AFF3: variants seen among roughly 807,000 people sequenced by gnomAD.
AFF3 encodes the protein AF4/FMR2 family member 3.
Under a neutral mutation model 129.7 loss-of-function variants are expected in AFF3, and 32 were observed. That is an observed-to-expected ratio of 0.25 (90% CI 0.19 to 0.33). AFF3 has a LOEUF of 0.33. AFF3 is among the 10% of genes least tolerant of loss of function. The pLI, the probability that AFF3 is intolerant of heterozygous loss-of-function variation, is 1.00. For missense variants in AFF3, 1,373 were observed against 1,592.0 expected, an observed-to-expected ratio of 0.86 and a Z score of 2.34; for synonymous variants, 644 against 635.4, an observed-to-expected ratio of 1.01 and a Z score of -0.20.
intron 7 of AFF3, among the ~76,000 whole-genome samples, chr2:99,892,951 T>C (rs977355847): frequency 6.6e-6 from 1 of 152,042 alleles, no homozygotes; most frequent in Non-Finnish European, 1.5e-5. Flanking sequence ...TAGAACAGCA[T>C]AGAGGGAAGG....
intron 4 of AFF3, among the ~76,000 whole-genome samples, chr2:100,069,926 T>C (rs1206460079): frequency 6.6e-6 from 1 of 152,188 alleles, no homozygotes; most frequent in Non-Finnish European, 1.5e-5. Flanking sequence ...AAAGATCCCA[T>C]GTCTCTTCTC....
At chr2:99,906,463 G>T (rs1348060652) in intron 7 of AFF3, among the ~76,000 whole-genome samples, 2 of 152,106 alleles carry the variant, frequency 1.3e-5, no homozygotes, top group East Asian at 3.9e-4. Flanking sequence ...AATGAGGCAA[G>T]ACCTCAGTCC....
At position 99,551,281 on chromosome 2, in the gene AFF3, A is replaced by G. The variant is rs1674386811; in HGVS notation, c.*193T>C. On this transcript the variant is annotated 3_prime_UTR_variant, in exon 25 of 25. Transcript: ENST00000672756. The stretch of plus-strand genomic sequence containing the variant: ...TTCTGAAGAGCTGTGTATCTTACAC[A>G]CATACACAGGCGGCTTCTTATATAC... 1.4e-6 allele frequency: 1 copy of G among 701,246 alleles called. No individual in the cohort carries two copies. The highest frequency in any genetic ancestry group is 2.9e-5 in the Admixed American group (1 of 34,454). The allele number at this position is 701,246 out of a possible 1,614,324, so 43.4% of individuals were successfully genotyped here. A position where few individuals can be genotyped will look rare whatever the true frequency, so the allele number is the denominator to read the frequency against.
chr2:99,775,327 T>C (rs1039262732), intron 8 of AFF3, among the ~76,000 whole-genome samples: 13 of 152,166 alleles, frequency 8.5e-5, no homozygotes, highest in Admixed American at 3.3e-4. Context: ...AATGATAGAC[T>C]GAATAAAGAA....
chr2:100,077,244 C>T (rs1377263276), intron 4 of AFF3, among the ~76,000 whole-genome samples: 1 of 152,012 alleles, frequency 6.6e-6, no homozygotes, highest in Non-Finnish European at 1.5e-5. Context: ...GAGACTGTCT[C>T]AAACGAAAAT....
intron 8 of AFF3, among the ~76,000 whole-genome samples, chr2:99,802,981 C>T (rs60355271): frequency 0.018 from 2,696 of 152,208 alleles, 84 homozygotes; most frequent in African/African-American, 0.062. Context: ...CCAGCTACGA[C>T]TTCCAGTGCT....
At chr2:99,555,681 T>C (rs1299438580) in intron 22 of AFF3, among the ~76,000 whole-genome samples, 1 of 152,206 alleles carries the variant, frequency 6.6e-6, no homozygotes, top group African/African-American at 2.4e-5. Flanking sequence ...TGATGGGAGT[T>C]TTCCCCTTCC....
intron 7 of AFF3, among the ~76,000 whole-genome samples, chr2:99,841,702 G>A (rs963022346): frequency 6.6e-6 from 1 of 152,284 alleles, no homozygotes; most frequent in East Asian, 1.9e-4. Flanking sequence ...CCAAGTCAAT[G>A]ACTTTAACAG....
chr2:99,895,700 G>C (rs1693884252), intron 7 of AFF3, among the ~76,000 whole-genome samples: 1 of 152,096 alleles, frequency 6.6e-6, no homozygotes, highest in Non-Finnish European at 1.5e-5. Context: ...CTCGGTGGGA[G>C]TGATTTAAAG....
intron 8 of AFF3, among the ~76,000 whole-genome samples, chr2:99,821,922 A>G (rs1687718406): frequency 6.6e-6 from 1 of 152,216 alleles, no homozygotes; most frequent in Non-Finnish European, 1.5e-5. Context: ...AAAGGCAGCC[A>G]GGGCACAACC....
chr2:99,598,108 T>C (rs1679465474), intron 14 of AFF3, among the ~76,000 whole-genome samples: 1 of 152,160 alleles, frequency 6.6e-6, no homozygotes. Context: ...ATCTGGGAAA[T>C]GCCACAATGG....
chr2:99,749,409 C>A (rs1392272677), intron 9 of AFF3, among the ~76,000 whole-genome samples: 1 of 152,130 alleles, frequency 6.6e-6, no homozygotes, highest in Non-Finnish European at 1.5e-5. Flanking sequence ...CAAACTGGTA[C>A]AATATTTTTG....
At chr2:99,925,589 A>G (rs541487551) in intron 7 of AFF3, among the ~76,000 whole-genome samples, 1 of 152,230 alleles carries the variant, frequency 6.6e-6, no homozygotes. Flanking sequence ...ATGAAAGAAC[A>G]ACTCAAAAGT....
At chr2:100,105,449 C>T (rs1691214459) in intron 3 of AFF3, 55 bp downstream of exon 3, 1 of 1,321,926 alleles carries the variant, frequency 7.6e-7, no homozygotes, top group Non-Finnish European at 1.0e-6. Flanking sequence ...GTGGTCCCAC[C>T]CACCCTCTAG....
chr2:99,805,733 T>C (rs1201383790), intron 8 of AFF3, among the ~76,000 whole-genome samples: 1 of 152,160 alleles, frequency 6.6e-6, no homozygotes, highest in Admixed American at 6.5e-5. Context: ...CACAATTATG[T>C]ATATGTCTAT....
chr2:99,968,066 G>A (rs1161576521), intron 7 of AFF3, among the ~76,000 whole-genome samples: 1 of 152,140 alleles, frequency 6.6e-6, no homozygotes, highest in African/African-American at 2.4e-5. Flanking sequence ...ACAAAAACAT[G>A]CACCTATACA....
intron 12 of AFF3, among the ~76,000 whole-genome samples, chr2:99,650,233 A>T (rs2105614188): frequency 6.6e-6 from 1 of 152,338 alleles, no homozygotes; most frequent in Non-Finnish European, 1.5e-5. Flanking sequence ...TAATGGATAC[A>T]ATTATCTGCT....
chr2:100,031,695 G>T (rs1039786452), intron 4 of AFF3, among the ~76,000 whole-genome samples: 1 of 152,208 alleles, frequency 6.6e-6, no homozygotes, highest in Non-Finnish European at 1.5e-5. Flanking sequence ...GTATCAAAGG[G>T]TTACAGGAGG....
At chr2:99,796,334 C>G (rs1685556747) in intron 8 of AFF3, among the ~76,000 whole-genome samples, 1 of 152,146 alleles carries the variant, frequency 6.6e-6, no homozygotes, top group African/African-American at 2.4e-5. Flanking sequence ...ATACAAAACT[C>G]TTCAATTTAT....
Sources: allele counts gnomAD v4.1 joint callset (sites outside exome capture counted in the v4.1 genomes callset), GRCh38; gene constraint gnomAD v4.1.1; transcripts MANE v1.5; gene names NCBI Gene and HGNC (gene_info 2026-07-23, HGNC 2026-07-21).